CPLANE1: variants seen among roughly 807,000 people sequenced by gnomAD.
CPLANE1 encodes ciliogenesis and planar polarity effector complex subunit 1.
CPLANE1 carries 263 observed loss-of-function variants against 362.5 expected under a neutral mutation model. That is an observed-to-expected ratio of 0.73 (90% confidence interval 0.66 to 0.80). The LOEUF is 0.80. CPLANE1 is among the 30% of genes least tolerant of loss of function. CPLANE1 has a pLI of 0.00. For synonymous variants in CPLANE1, 1,212 were observed against 1,302.6 expected (o/e 0.93, Z 1.50); for missense variants, 3,461 against 3,793.4 (o/e 0.91, Z 2.30).
chr5:37,144,066 A>T (rs1197455218), intron 43 of CPLANE1, among the ~76,000 whole-genome samples: 1 of 151,904 alleles, frequency 6.6e-6, no homozygotes, highest in Non-Finnish European at 1.5e-5. Flanking sequence ...AAAGTCCCCA[A>T]AGTTAAATCT....
chr5:37,225,571 G>A (rs1207824387), intron 12 of CPLANE1, among the ~76,000 whole-genome samples: 1 of 151,938 alleles, frequency 6.6e-6, no homozygotes, highest in Non-Finnish European at 1.5e-5. Flanking sequence ...GGTCATTTTG[G>A]CCGGGCGTGG....
chr5:37,143,309 T>TA (rs1770377780), intron 43 of CPLANE1, among the ~76,000 whole-genome samples: 2 of 152,152 alleles, frequency 1.3e-5, no homozygotes, highest in African/African-American at 4.8e-5. Context: ...AGACAGTCAG[T>TA]ATGCAGATTC....
chr5:37,182,468 A>G (rs1232055610), intron 26 of CPLANE1, among the ~76,000 whole-genome samples: 1 of 152,204 alleles, frequency 6.6e-6, no homozygotes, highest in Non-Finnish European at 1.5e-5. Flanking sequence ...TGAAAGGAGA[A>G]ATAATATACG....
chr5:37,186,797 C>G (rs1276971533), intron 23 of CPLANE1, among the ~76,000 whole-genome samples: 2 of 152,086 alleles, frequency 1.3e-5, no homozygotes, highest in South Asian at 4.1e-4. Flanking sequence ...CGGTGGCTCA[C>G]GCCTGTAATC....
chr5:37,095,737 G>T, the CPLANE1 span, among the ~76,000 whole-genome samples: 1 of 152,140 alleles, frequency 6.6e-6, no homozygotes, highest in Non-Finnish European at 1.5e-5. Context: ...AAAGTTTCTG[G>T]ATACCAAATT....
intron 38 of CPLANE1, among the ~76,000 whole-genome samples, chr5:37,161,164 G>A (rs981231688): frequency 2.0e-4 from 31 of 152,148 alleles, no homozygotes; most frequent in Admixed American, 7.2e-4. Flanking sequence ...ATGACACAGG[G>A]ACATGTTTGC....
chr5:37,225,564 C>T (rs1796277525), intron 12 of CPLANE1, among the ~76,000 whole-genome samples: 1 of 151,978 alleles, frequency 6.6e-6, no homozygotes, highest in African/African-American at 2.4e-5. Context: ...TTTAAGAGGT[C>T]ATTTTGGCCG....
intron 10 of CPLANE1, 65 bp downstream of exon 10, chr5:37,227,503 C>A: frequency 1.3e-6 from 2 of 1,486,868 alleles, no homozygotes; most frequent in South Asian, 2.7e-5. Flanking sequence ...ACATTATTGT[C>A]AGTAAAGTTT....
intron 51 of CPLANE1, among the ~76,000 whole-genome samples, chr5:37,114,012 C>T (rs914876339): frequency 2.0e-5 from 3 of 152,118 alleles, no homozygotes; most frequent in African/African-American, 4.8e-5. Flanking sequence ...GGGGTTTCAC[C>T]GTGTTGGCCA....
In CPLANE1 at chr5:37,179,345, C is replaced by T. The variant is rs778321212; in HGVS notation, c.5820+16G>A. The T allele has an allele frequency of 7.5e-6, 11 of 1,476,460 alleles. No individual in the cohort carries two copies. 91.5% of individuals were successfully genotyped at this position (1,476,460 alleles called of 1,614,324 possible). A position where few individuals can be genotyped will look rare whatever the true frequency, so the allele number is the denominator to read the frequency against. ...AATGAAAGAAGAATAATTATATCCA[C>T]TATTTATTGACTTACTTCTTCTAAC... On this transcript the variant is annotated intron_variant, in intron 29 of 52. Coordinates refer to ENST00000651892, the MANE Select transcript of CPLANE1 (RefSeq NM_001384732.1).
chr5:37,130,202 A>C (rs369338909), intron 46 of CPLANE1, among the ~76,000 whole-genome samples: 13 of 152,206 alleles, frequency 8.5e-5, no homozygotes, highest in African/African-American at 3.1e-4. Context: ...CAAAGGCATA[A>C]GAATGATAAC....
chr5:37,120,663 A>G (rs575764018), intron 49 of CPLANE1, among the ~76,000 whole-genome samples: 89 of 152,362 alleles, frequency 5.8e-4, no homozygotes, highest in African/African-American at 2.1e-3. Context: ...TGCACTTAAC[A>G]TATAACTCTC....
intron 10 of CPLANE1, 21 bp from the exon 11 acceptor site, chr5:37,227,413 G>A: frequency 6.6e-7 from 1 of 1,515,350 alleles, no homozygotes; most frequent in South Asian, 1.3e-5. Context: ...AAAGATGAAA[G>A]ATTTCCAAGA....
At chr5:37,210,724 TTAAACAACA>T in intron 16 of CPLANE1, 1 of 1,575,800 alleles carries the variant, frequency 6.3e-7, no homozygotes, top group East Asian at 2.2e-5. Context: ...AATAAATTAC[TTAAACAACA>T]ACTGGAAGAG....
intron 5 of CPLANE1, among the ~76,000 whole-genome samples, chr5:37,243,838 T>C (rs1315178482): frequency 3.5e-5 from 5 of 144,226 alleles, no homozygotes; most frequent in African/African-American, 1.3e-4. Context: ...TATACGTGTA[T>C]ATATATTATA....
At position 37,125,513 on chromosome 5, in the gene CPLANE1, T is replaced by C. The variant is rs1763897131; in HGVS notation, c.8793-104A>G. ...TTATCCGGAAATATTTTGCCCCATC[T>C]TCAAAAGTAGTATATACTTATGTTC... On this transcript the variant is annotated intron_variant, in intron 46 of 52. Transcript: ENST00000651892. The C allele has an allele frequency of 4.6e-6, 5 of 1,098,272 alleles. No individual in the cohort carries two copies. The South Asian group carries it at 5.6e-5, about 12-fold the overall frequency. 68.0% of individuals were successfully genotyped at this position (1,098,272 alleles called of 1,614,324 possible).
intron 46 of CPLANE1, among the ~76,000 whole-genome samples, chr5:37,136,287 C>T (rs1767687028): frequency 6.6e-6 from 1 of 152,204 alleles, no homozygotes; most frequent in African/African-American, 2.4e-5. Flanking sequence ...AGTCCAAAAT[C>T]CAATAGGGCA....
chr5:37,144,997 C>A (rs952170548), intron 43 of CPLANE1, among the ~76,000 whole-genome samples: 2 of 151,212 alleles, frequency 1.3e-5, no homozygotes, highest in African/African-American at 4.9e-5. Context: ...CAGAGTAGAT[C>A]TAAAATATTT....
chr5:37,104,791 C>A (rs1258334595), downstream of CPLANE1, among the ~76,000 whole-genome samples: 1 of 151,504 alleles, frequency 6.6e-6, no homozygotes, highest in Non-Finnish European at 1.5e-5. Flanking sequence ...AGCATGGTGG[C>A]AGGCGCCTGT....
Sources: allele counts gnomAD v4.1 joint callset (sites outside exome capture counted in the v4.1 genomes callset), GRCh38; gene constraint gnomAD v4.1.1; transcripts MANE v1.5; gene names NCBI Gene and HGNC (gene_info 2026-07-23, HGNC 2026-07-21).